The following POLR1A variants were observed in gnomAD, a reference collection of about 807,000 sequenced individuals.
POLR1A encodes RNA polymerase I subunit A, also known as DNA-directed RNA polymerase I subunit RPA1.
POLR1A carries 84 observed loss-of-function variants against 205.3 expected under a neutral mutation model. The ratio of observed to expected loss-of-function variants is 0.41; its 90% CI spans 0.34 to 0.49. POLR1A has a LOEUF of 0.49. Among genes scored for constraint, POLR1A ranks in the 20% least tolerant of loss-of-function variants. POLR1A has a pLI of 0.22. For synonymous variants in POLR1A, 799 were observed against 863.7 expected, an observed-to-expected ratio of 0.93 and a Z score of 1.31; for missense variants, 1,645 against 2,204.5, an observed-to-expected ratio of 0.75 and a Z score of 5.08.
At chr2:86,105,655 G>T in intron 1 of POLR1A, 45 bp downstream of exon 1, 1 of 1,355,474 alleles carries the variant, frequency 7.4e-7, no homozygotes, top group Non-Finnish European at 1.1e-6. Context: ...TTAGGGCGCC[G>T]ACCTCAAGAT....
intron 14 of POLR1A, among the ~76,000 whole-genome samples, chr2:86,064,031 T>A (rs1673045582): frequency 6.6e-6 from 1 of 152,218 alleles, no homozygotes; most frequent in Admixed American, 6.5e-5. Context: ...ATTTCCAAAT[T>A]CCATTATGCC....
intron 30 of POLR1A, among the ~76,000 whole-genome samples, 198 bp from the exon 31 acceptor site, chr2:86,030,594 T>G (rs529072872): frequency 1.2e-4 from 18 of 152,284 alleles, no homozygotes; most frequent in Admixed American, 9.8e-4. Context: ...TCCCCCAGAT[T>G]CAGGGGGAAA....
rs1343976234 is a variant in POLR1A at position 86,026,007 on chromosome 2, A to T, written c.*1416T>A. 2 of 152,234 alleles carry T rather than the reference A, an allele frequency of 1.3e-5. No homozygotes were observed. The highest frequency in any genetic ancestry group is 4.8e-5 in the African/African-American group (2 of 41,406). The allele number at this position is 152,234 out of a possible 1,614,324, so 9.4% of individuals were successfully genotyped here. On this transcript the variant is annotated 3_prime_UTR_variant, in exon 34 of 34. Transcript: ENST00000263857. ...CAACATGGTCACTCTCCCTTGACAA[A>T]GCCTCCCTTGATCCCCAACCCTACC...
At chr2:86,067,541 C>A (rs1673103375) in intron 13 of POLR1A, among the ~76,000 whole-genome samples, 1 of 152,024 alleles carries the variant, frequency 6.6e-6, no homozygotes, top group Admixed American at 6.6e-5. Context: ...TAAAAAGACG[C>A]CACAAAACTC....
intron 6 of POLR1A, among the ~76,000 whole-genome samples, 196 bp from the exon 7 acceptor site, chr2:86,083,364 G>T (rs1573829545): frequency 6.8e-6 from 1 of 147,694 alleles, no homozygotes. Flanking sequence ...TATGGCTATT[G>T]TATAAAACCT....
In POLR1A at chr2:86,028,783, C is replaced by T; in HGVS notation, c.4780-72G>A. Reference sequence around the variant, plus strand: ...CTCCCTTCTGCCTGCGTATCTCCCCCTGGCCGCTCTCTCTCTCCTTGTGTC... The same window carrying T: ...CTCCCTTCTGCCTGCGTATCTCCCCTTGGCCGCTCTCTCTCTCCTTGTGTC... On this transcript the variant is annotated intron_variant, in intron 31 of 33. Coordinates refer to ENST00000263857, the MANE Select transcript of POLR1A (RefSeq NM_015425.6). This position sits in a 1 kb window ranked among gnomAD's most constrained non-coding sequence, Gnocchi z 4.5. 1.8e-6 allele frequency: 2 copies of T among 1,084,952 alleles called. No individual in the cohort carries two copies. Among genetic ancestry groups the T allele is most frequent in the Non-Finnish European group, 2.8e-6 (2 of 712,804 alleles). 67.2% of individuals were successfully genotyped at this position (1,084,952 alleles called of 1,614,324 possible).
chr2:86,031,595 T>C lies in POLR1A; in HGVS notation c.4313A>G (p.Glu1438Gly), dbSNP rs886896739. Residue 1438 changes from glutamate (E) to glycine (G), a missense_variant, in exon 30 of 34, where the codon GAG becomes GGG. Around this residue, in one of 16 missense-constraint regions of POLR1A, gnomAD observed 394 missense variants for 468.5 expected, o/e 0.84. Transcript: ENST00000263857. ...CTGCATGTCTTCATCGTCGTTCTCC[T>C]CGCCCTCCCTCTCCTCCTCTTCCTC... ...ESEEEEEREG[E>G]ENDDEDMQEE... 1 of 1,613,438 alleles carries C rather than the reference T, an allele frequency of 6.2e-7. No individual in the cohort carries two copies. Among genetic ancestry groups the C allele is most frequent in the Non-Finnish European group, 8.5e-7 (1 of 1,179,432 alleles).
At position 86,089,934 on chromosome 2, in the gene POLR1A, A is replaced by G. The variant is rs1558784690; in HGVS notation, c.433-5T>C. On this transcript the variant is annotated splice_region_variant and splice_polypyrimidine_tract_variant and intron_variant, in intron 3 of 33. Transcript: ENST00000263857. ...ATCGGGATTTTCTTCCAGAAACTGGAAAACAAAGAGGAAAACTCCATTATC... is the reference window on the plus strand; with the variant it reads ...ATCGGGATTTTCTTCCAGAAACTGGGAAACAAAGAGGAAAACTCCATTATC... The G allele has an allele frequency of 1.4e-6, 2 of 1,477,248 alleles. No homozygotes were observed. Among genetic ancestry groups the G allele is most frequent in the Non-Finnish European group, 1.9e-6 (2 of 1,054,062 alleles). 91.5% of individuals were successfully genotyped at this position (1,477,248 alleles called of 1,614,324 possible).
At position 86,083,952 on chromosome 2, in the gene POLR1A, G is replaced by C. The variant is rs74556426; in HGVS notation, c.731-784C>G. ...GCTTGGGACTGCCATTCAGGAGGTA[G>C]GGACCAGGCATTTAAGATGATTACC... On this transcript the variant is annotated intron_variant, in intron 6 of 33. Transcript: ENST00000263857. 9.4e-3 allele frequency among the ~76,000 whole-genome samples: 1,437 copies of C among 152,176 alleles called. 21 individuals are homozygous for C. The highest frequency in any genetic ancestry group is 0.033 in the African/African-American group (1,357 of 41,494).
At chr2:86,061,730 T>G (rs991010815) in intron 14 of POLR1A, among the ~76,000 whole-genome samples, 1 of 152,120 alleles carries the variant, frequency 6.6e-6, no homozygotes, top group East Asian at 1.9e-4. Flanking sequence ...TACAATAACA[T>G]GGGTAACACA....
At chr2:86,068,240 G>T (rs895258812) in intron 13 of POLR1A, among the ~76,000 whole-genome samples, 2 of 152,172 alleles carry the variant, frequency 1.3e-5, no homozygotes, top group African/African-American at 2.4e-5. Context: ...CTCCCCGGTA[G>T]TGTCCCCTCT....
intron 14 of POLR1A, among the ~76,000 whole-genome samples, chr2:86,064,255 T>C (rs1040985262): frequency 6.6e-6 from 1 of 152,164 alleles, no homozygotes; most frequent in Non-Finnish European, 1.5e-5. Flanking sequence ...AGAAAAACCA[T>C]GTTTAGAATC....
intron 11 of POLR1A, 46 bp downstream of exon 11, chr2:86,077,809 GCGCA>G (rs59002260): frequency 0.024 from 31,054 of 1,296,078 alleles, 2,461 homozygotes; most frequent in Admixed American, 0.044. Context: ...GCACGCGCGC[GCGCA>G]CACACACACA....
intron 15 of POLR1A, among the ~76,000 whole-genome samples, chr2:86,053,484 C>T (rs1164707518): frequency 6.6e-6 from 1 of 152,218 alleles, no homozygotes; most frequent in Non-Finnish European, 1.5e-5. Flanking sequence ...ACAAAATCTT[C>T]CTAACATCCT....
Position 86,088,869 on chromosome 2 carries a change from A to T in POLR1A, c.542T>A (p.Val181Glu), listed in dbSNP as rs1243513076. The change falls in exon 5 of 34, where the codon GTA becomes GAA. Residue 181 changes from valine to glutamate, a missense_variant and splice_region_variant. Physicochemically the swap from Val to Glu is moderately radical, Grantham distance 121 (BLOSUM62 -2). Transcript: ENST00000263857. Reference sequence around the variant, plus strand: ...GCTCTTGCTCTCACACACGTTCTTTACCTGTTTTTTTAAAAAAAGTCAGAG... The same window carrying T: ...GCTCTTGCTCTCACACACGTTCTTTTCCTGTTTTTTTAAAAAAAGTCAGAG... ...NNLLGSQGAH[V>E]KNVCESKSKL... 6.2e-7 allele frequency: 1 copy of T among 1,608,926 alleles called. No homozygotes were observed. Among genetic ancestry groups the T allele is most frequent in the Non-Finnish European group, 8.5e-7 (1 of 1,177,240 alleles).
intron 14 of POLR1A, among the ~76,000 whole-genome samples, chr2:86,058,123 T>A (rs1044830409): frequency 1.3e-5 from 2 of 152,280 alleles, no homozygotes; most frequent in East Asian, 3.9e-4. Context: ...TTTATTGAGA[T>A]GGAGTCTCGC....
intron 27 of POLR1A, among the ~76,000 whole-genome samples, chr2:86,035,454 T>A (rs1341794445): frequency 6.6e-6 from 1 of 152,140 alleles, no homozygotes; most frequent in East Asian, 1.9e-4. Flanking sequence ...ATGGGATCAC[T>A]CTCACTCTGC....
Position 86,054,184 on chromosome 2 carries a change from G to A in POLR1A, c.2164C>T (p.Arg722Ter). Residue 722 changes from arginine (R) to a stop codon, truncating the protein, a stop_gained, in exon 15 of 34, where the codon CGA becomes TGA. Transcript: ENST00000263857. LOFTEE classifies it high-confidence loss of function. The stretch of plus-strand genomic sequence containing the variant: ...TCAGGGTTAAAGCCAGGAACGGATC[G>A]AGGAGTTTCCTTCACCCAGGCTTTC... ...TGKAWVKETP[R>*]SVPGFNPDSM... 6.2e-7 allele frequency: 1 copy of A among 1,613,990 alleles called. No homozygotes were observed. Among genetic ancestry groups the A allele is most frequent in the Non-Finnish European group, 8.5e-7 (1 of 1,179,878 alleles).
At position 86,042,046 on chromosome 2, in the gene POLR1A, CCTT is replaced by C; in HGVS notation, c.3412_3414del (p.Lys1138del). ...AGACTGGGGTCAGGACAAGCGGCCGCCTTCTTCTGGTATTTCCTTCGGCTTTCC... is the reference window on the plus strand; with the variant it reads ...AGACTGGGGTCAGGACAAGCGGCCGCCTTCTGGTATTTCCTTCGGCTTTCC... On this transcript the variant is annotated inframe_deletion, in exon 24 of 34. Coordinates refer to ENST00000263857, the MANE Select transcript of POLR1A (RefSeq NM_015425.6). 6.2e-7 allele frequency: 1 copy of C among 1,613,772 alleles called. No homozygotes were observed. The highest frequency in any genetic ancestry group is 8.5e-7 in the Non-Finnish European group (1 of 1,180,016).
Sources: gnomAD v4.1 joint callset for allele counts (sites outside exome capture counted in the v4.1 genomes callset) on GRCh38, gnomAD v4.1.1 for gene constraint, gnomAD v4.1.1 regional missense constraint, Gnocchi (gnomAD v3.1) non-coding constraint, MANE v1.5 for transcripts, NCBI Gene and HGNC (gene_info 2026-07-23, HGNC 2026-07-21) for gene names.